The following COL4A3 variants were observed in gnomAD, a reference collection of about 807,000 sequenced individuals.
The protein encoded by COL4A3 is collagen type IV alpha 3 chain, also known as collagen alpha-3(IV) chain.
COL4A3 carries 135 observed loss-of-function variants against 217.4 expected under a neutral mutation model. The ratio of observed to expected loss-of-function variants is 0.62; its 90% CI spans 0.54 to 0.72. COL4A3 has a LOEUF of 0.72. COL4A3 is among the 30% of genes least tolerant of loss of function. The probability of loss-of-function intolerance (pLI) is 0.00; values close to 1 mark genes in which losing one functional copy is unlikely to be tolerated. For synonymous variants in COL4A3, 690 were observed against 736.3 expected, an observed-to-expected ratio of 0.94 and a Z score of 1.02; for missense variants, 1,868 against 2,119.9, an observed-to-expected ratio of 0.88 and a Z score of 2.33.
chr2:227,224,449 A>C (rs1232595688), intron 1 of COL4A3, among the ~76,000 whole-genome samples: 3 of 152,242 alleles, frequency 2.0e-5, no homozygotes, highest in Non-Finnish European at 2.9e-5. Flanking sequence ...AACAAACAAA[A>C]AATTACTTAA....
chr2:227,203,141 ATATATGTG>A (rs1412602084), intron 1 of COL4A3, among the ~76,000 whole-genome samples: 1 of 31,772 alleles, frequency 3.1e-5, no homozygotes, highest in Non-Finnish European at 5.5e-5. Context: ...ATATATGTGT[ATATATGTG>A]TATATATACA....
chr2:227,260,885 G>C (rs2070514338), intron 19 of COL4A3, among the ~76,000 whole-genome samples, 197 bp from the exon 20 acceptor site: 1 of 152,172 alleles, frequency 6.6e-6, no homozygotes, highest in Admixed American at 6.5e-5. Context: ...ATTTACTTTT[G>C]AGTGTTAGAC....
intron 41 of COL4A3, chr2:227,296,458 T>C (rs181718149): frequency 3.1e-6 from 3 of 967,212 alleles, no homozygotes; most frequent in East Asian, 1.1e-4. Flanking sequence ...ATTATGTAAG[T>C]GAATGATTAT....
rs142989538 is a variant in COL4A3, at chr2:227,166,339, C to A, written c.87+1526C>A. Among the ~76,000 whole-genome samples, 249 of 152,218 alleles carry A rather than the reference C, an allele frequency of 1.6e-3. 1 individual carries two copies. Among genetic ancestry groups the A allele is most frequent in the South Asian group, 4.2e-3 (20 of 4,818 alleles). On this transcript the variant is annotated intron_variant, in intron 1 of 51. Transcript: ENST00000396578. ...AGTGGGGATTATCTACCAGCTTTAACCAGGACAAATAAATCCAAAAAAGCA... is the reference window on the plus strand; with the variant it reads ...AGTGGGGATTATCTACCAGCTTTAAACAGGACAAATAAATCCAAAAAAGCA...
chr2:227,175,321 A>G (rs1268145609), intron 1 of COL4A3, among the ~76,000 whole-genome samples: 1 of 152,118 alleles, frequency 6.6e-6, no homozygotes, highest in Non-Finnish European at 1.5e-5. Context: ...AAAATACAAA[A>G]TTAGCCGGGC....
In COL4A3 at chr2:227,312,548, G is replaced by T. The variant is rs575252742; in HGVS notation, c.*678G>T. ...GTTTTGTTGGTTTTTAAAGATTTTT[G>T]TTTGTTTATTGAATTCATTTCACTG... On this transcript the variant is annotated 3_prime_UTR_variant, in exon 52 of 52. Coordinates refer to ENST00000396578, the MANE Select transcript of COL4A3 (RefSeq NM_000091.5). 6.6e-6 allele frequency: 1 copy of T among 152,244 alleles called. No homozygotes were observed. The highest frequency in any genetic ancestry group is 2.4e-5 in the African/African-American group (1 of 41,508). 9.4% of individuals were successfully genotyped at this position (152,244 alleles called of 1,614,324 possible).
chr2:227,165,241 A>T (rs916627397), intron 1 of COL4A3, among the ~76,000 whole-genome samples: 2 of 152,196 alleles, frequency 1.3e-5, no homozygotes, highest in Non-Finnish European at 2.9e-5. Context: ...ACCTGCAGGG[A>T]GTCCCAGCCG....
chr2:227,225,872 C>T (rs756105960), intron 1 of COL4A3, among the ~76,000 whole-genome samples: 1 of 151,924 alleles, frequency 6.6e-6, no homozygotes, highest in Admixed American at 6.6e-5. Flanking sequence ...CCACCATGCC[C>T]GGCTAACTTT....
chr2:227,237,849 GCTC>G, intron 1 of COL4A3, 116 bp from the exon 2 acceptor site: 4 of 749,032 alleles, frequency 5.3e-6, no homozygotes, highest in Non-Finnish European at 9.9e-6. Flanking sequence ...AGGTCACCTG[GCTC>G]CTAACAGATA....
At position 227,164,719 on chromosome 2, in the gene COL4A3, C is replaced by A. The variant is rs1021737017; in HGVS notation, c.-8C>A. 3 of 1,530,412 alleles carry A rather than the reference C, an allele frequency of 2.0e-6. No individual in the cohort carries two copies. The highest frequency in any genetic ancestry group is 2.0e-5 in the Admixed American group (1 of 50,876). The allele number at this position is 1,530,412 out of a possible 1,614,324, so 94.8% of individuals were successfully genotyped here. On this transcript the variant is annotated 5_prime_UTR_variant, in exon 1 of 52. Coordinates refer to ENST00000396578, the MANE Select transcript of COL4A3 (RefSeq NM_000091.5). This position sits in a 1 kb window ranked among gnomAD's most constrained non-coding sequence, Gnocchi z 4.8. ...CGGACTCGCCCAGGCTCTGAGCGCG[C>A]GCCCACCATGAGCGCCCGGACCGCC...
intron 8 of COL4A3, among the ~76,000 whole-genome samples, chr2:227,248,042 C>T (rs902154570): frequency 3.3e-5 from 5 of 152,148 alleles, no homozygotes; most frequent in African/African-American, 2.4e-5. Context: ...TGGGCTCAAG[C>T]GTTTCTTCTG....
intron 1 of COL4A3, among the ~76,000 whole-genome samples, chr2:227,194,848 A>T (rs2066408619): frequency 6.6e-6 from 1 of 152,152 alleles, no homozygotes; most frequent in South Asian, 2.1e-4. Flanking sequence ...AACACCACTG[A>T]TACACAAAAT....
At chr2:227,283,894 T>C (rs751721265) in intron 33 of COL4A3, 38 bp downstream of exon 33, 3 of 1,508,642 alleles carry the variant, frequency 2.0e-6, no homozygotes, top group African/African-American at 2.8e-5. Flanking sequence ...GCAGGAAGCA[T>C]AAACAATGTT....
intron 1 of COL4A3, among the ~76,000 whole-genome samples, chr2:227,219,863 T>C (rs73996235): frequency 0.076 from 11,615 of 152,238 alleles, 657 homozygotes; most frequent in African/African-American, 0.15. Flanking sequence ...ATTGAGCATC[T>C]TCTGTTTGCA....
chr2:227,263,868 C>T lies in COL4A3; in HGVS notation c.1239C>T (p.Ala413=), dbSNP rs1448104061. ...AACGAGGCCGCCCAGGAAAGGATGCCATGGGGACTCCTGGGTCCCCAGGTT... is the reference window on the plus strand; with the variant it reads ...AACGAGGCCGCCCAGGAAAGGATGCTATGGGGACTCCTGGGTCCCCAGGTT... The part of the protein sequence containing the change: ...KGERGRPGKD[A]MGTPGSPGCA... The change falls in exon 21 of 52, where the codon GCC becomes GCT. Residue 413 remains alanine (A), a synonymous_variant. Transcript: ENST00000396578. 6.2e-7 allele frequency: 1 copy of T among 1,614,146 alleles called. No individual in the cohort carries two copies. The highest frequency in any genetic ancestry group is 2.2e-5 in the East Asian group (1 of 44,876).
In COL4A3 at chr2:227,290,738, T is replaced by G; in HGVS notation, c.3071-9T>G. ...TCTATTTTACTCTATGTTTTCCCCC[T>G]AATTTCAGGTTCTAAAGGAAAAAGG... On this transcript the variant is annotated splice_polypyrimidine_tract_variant and intron_variant, in intron 36 of 51. Coordinates refer to ENST00000396578, the MANE Select transcript of COL4A3 (RefSeq NM_000091.5). The G allele has an allele frequency of 6.2e-7, 1 of 1,612,644 alleles. No homozygotes were observed.
At chr2:227,281,536 T>A (rs886570761) in intron 31 of COL4A3, among the ~76,000 whole-genome samples, 1 of 152,220 alleles carries the variant, frequency 6.6e-6, no homozygotes, top group African/African-American at 2.4e-5. Context: ...TGTTTTTGGA[T>A]CCTCTCCTCA....
intron 1 of COL4A3, among the ~76,000 whole-genome samples, chr2:227,199,737 G>A (rs79788427): frequency 0.14 from 21,754 of 152,128 alleles, 1,666 homozygotes; most frequent in Non-Finnish European, 0.16. Context: ...CCCCAATTCA[G>A]TGAATCAGAA....
chr2:227,176,794 C>T (rs556536981), intron 1 of COL4A3, among the ~76,000 whole-genome samples: 2 of 152,238 alleles, frequency 1.3e-5, no homozygotes, highest in Non-Finnish European at 2.9e-5. Flanking sequence ...TTCTCTGTAT[C>T]AAATGACGAA....
Sources: gnomAD v4.1 joint callset for allele counts (sites outside exome capture counted in the v4.1 genomes callset) on GRCh38, gnomAD v4.1.1 for gene constraint, Gnocchi (gnomAD v3.1) non-coding constraint, MANE v1.5 for transcripts, NCBI Gene and HGNC (gene_info 2026-07-23, HGNC 2026-07-21) for gene names.